The following NTAQ1 variants were observed in gnomAD, a reference collection of about 807,000 sequenced individuals.
NTAQ1 encodes the protein N-terminal glutamine amidase 1.
In NTAQ1, 21 loss-of-function variants were observed where a neutral mutation model predicts 28.2. The ratio of observed to expected loss-of-function variants is 0.74; its 90% CI spans 0.53 to 1.07. NTAQ1 has a LOEUF of 1.07. Among genes scored for constraint, NTAQ1 ranks in the 50% least tolerant of loss-of-function variants. The pLI is 0.00. For synonymous variants in NTAQ1, 105 were observed against 90.0 expected, an observed-to-expected ratio of 1.17 and a Z score of -0.94; for missense variants, 264 against 256.6, an observed-to-expected ratio of 1.03 and a Z score of -0.20.
At chr8:123,472,672 G>T (rs148448445), downstream of NTAQ1, among the ~76,000 whole-genome samples, 18 of 152,296 alleles carry the variant, frequency 1.2e-4, no homozygotes, top group East Asian at 3.1e-3. Context: ...AATCCAGCAT[G>T]ACTTTATTTT....
intron 6 of NTAQ1, among the ~76,000 whole-genome samples, chr8:123,453,739 C>T (rs1315474621): frequency 6.6e-6 from 1 of 152,102 alleles, no homozygotes; most frequent in Non-Finnish European, 1.5e-5. Context: ...GATAGCTCAT[C>T]TAAGCTCTTC....
chr8:123,458,302 C>T (rs1452590223), intron 6 of NTAQ1, among the ~76,000 whole-genome samples: 1 of 150,772 alleles, frequency 6.6e-6, no homozygotes, highest in African/African-American at 2.4e-5. Context: ...TCTCTCTGAT[C>T]AAAGTTTCAT....
At chr8:123,429,331 G>A (rs1467130415) in intron 2 of NTAQ1, among the ~76,000 whole-genome samples, 1 of 152,138 alleles carries the variant, frequency 6.6e-6, no homozygotes, top group Non-Finnish European at 1.5e-5. Context: ...GAAGGATTTC[G>A]ATTTCTTCCT....
rs74564385 is a variant in NTAQ1, at chr8:123,429,941, T to G, written c.184-42T>G. 6,424 of 1,433,588 alleles carry G rather than the reference T, an allele frequency of 4.5e-3. 409 individuals carry two copies. The East Asian group carries it at 0.13, about 29-fold the overall frequency. 88.8% of individuals were successfully genotyped at this position (1,433,588 alleles called of 1,614,324 possible). A position where few individuals can be genotyped will look rare whatever the true frequency, so the allele number is the denominator to read the frequency against. On this transcript the variant is annotated intron_variant, in intron 2 of 5. Coordinates refer to ENST00000287387, the MANE Select transcript of NTAQ1 (RefSeq NM_018024.3). ...AAAAGGAAAATAATTTAGTAGTGGT[T>G]TAACTAAAGGTATGGCTTACGAAAT... is the stretch of plus-strand genomic sequence containing the variant.
exon 7 of NTAQ1, among the ~76,000 whole-genome samples, chr8:123,468,274 AGTAGTGT>A (rs1816003792): frequency 1.3e-5 from 2 of 152,220 alleles, no homozygotes; most frequent in South Asian, 4.1e-4. Context: ...TAAAGTGTAC[AGTAGTGT>A]TAAGTATATT....
intron 6 of NTAQ1, among the ~76,000 whole-genome samples, chr8:123,458,565 C>A (rs1586968673): frequency 1.3e-5 from 2 of 151,020 alleles, no homozygotes; most frequent in Admixed American, 6.6e-5. Context: ...TGAGCTCATG[C>A]GAAGAGAGAA....
At chr8:123,461,579 T>C (rs1261922632) in intron 6 of NTAQ1, among the ~76,000 whole-genome samples, 1 of 152,300 alleles carries the variant, frequency 6.6e-6, no homozygotes, top group Non-Finnish European at 1.5e-5. Context: ...CTACCATGCT[T>C]AGTATCTGCT....
chr8:123,447,230 A>G (rs1034944776), downstream of NTAQ1, among the ~76,000 whole-genome samples: 3 of 152,170 alleles, frequency 2.0e-5, no homozygotes, highest in African/African-American at 7.2e-5. Context: ...CATATTTATA[A>G]TAAAACCTAA....
intron 5 of NTAQ1, 144 bp from the exon 6 acceptor site, chr8:123,441,162 T>G (rs2130330852): frequency 1.6e-6 from 1 of 634,556 alleles, no homozygotes; most frequent in South Asian, 2.0e-5. Flanking sequence ...AGTTATACAT[T>G]CAAGGCCAGA....
At chr8:123,457,147 A>C (rs1215725216) in intron 6 of NTAQ1, among the ~76,000 whole-genome samples, 3 of 152,160 alleles carry the variant, frequency 2.0e-5, no homozygotes, top group Non-Finnish European at 4.4e-5. Flanking sequence ...GCTCACCGCA[A>C]CCTCTGCCTC....
At chr8:123,439,486 G>A (rs950094968) in intron 5 of NTAQ1, among the ~76,000 whole-genome samples, 2 of 151,988 alleles carry the variant, frequency 1.3e-5, no homozygotes, top group African/African-American at 4.8e-5. Context: ...GGGACTACAG[G>A]CGCCCGCCAC....
downstream of NTAQ1, among the ~76,000 whole-genome samples, chr8:123,443,453 G>A (rs1301348569): frequency 6.6e-6 from 1 of 152,230 alleles, no homozygotes; most frequent in Admixed American, 6.5e-5. Flanking sequence ...CAATAAAGCT[G>A]TTTTCTTTTA....
chr8:123,439,793 A>G (rs1165963154), intron 5 of NTAQ1, among the ~76,000 whole-genome samples: 9 of 151,280 alleles, frequency 5.9e-5, no homozygotes, highest in Non-Finnish European at 7.4e-5. Context: ...CCTGGCCCAT[A>G]TTAACCAAAA....
chr8:123,420,785 T>TTTTA (rs148579449), intron 1 of NTAQ1, among the ~76,000 whole-genome samples: 3,806 of 151,542 alleles, frequency 0.025, 178 homozygotes, highest in African/African-American at 0.085. Context: ...ATTTGTTTAT[T>TTTTA]TTTATTTATT....
chr8:123,470,103 C>T (rs1421687700), downstream of NTAQ1, among the ~76,000 whole-genome samples: 1 of 152,156 alleles, frequency 6.6e-6, no homozygotes, highest in African/African-American at 2.4e-5. Context: ...TTTTCTGCCA[C>T]ATGAGGACAC....
chr8:123,448,379 A>G (rs1413721260), downstream of NTAQ1, among the ~76,000 whole-genome samples: 4 of 152,286 alleles, frequency 2.6e-5, no homozygotes, highest in African/African-American at 9.6e-5. Context: ...TTGGAAGGCC[A>G]AGGCGGGTGG....
rs1191863883 is a variant in NTAQ1 at position 123,418,463 on chromosome 8, AT to A, written c.83+1532del. On this transcript the variant is annotated intron_variant, in intron 1 of 5. Transcript: ENST00000287387. ...ACTCCATCTCAAAAAAAAAAAAAAA[AT>A]AAAAAGCCAAAAAAACAAGTAAACC... Among the ~76,000 whole-genome samples the A allele has an allele frequency of 8.8e-4, 132 of 149,940 alleles. 1 individual carries two copies. The highest frequency in any genetic ancestry group is 3.2e-3 in the African/African-American group (129 of 40,812).
At chr8:123,450,660 C>T (rs1815463678), downstream of NTAQ1, among the ~76,000 whole-genome samples, 1 of 152,202 alleles carries the variant, frequency 6.6e-6, no homozygotes, top group Non-Finnish European at 1.5e-5. Context: ...TCCCTTGGTT[C>T]ATGCAGCCCT....
chr8:123,450,046 A>G (rs891444318), downstream of NTAQ1, among the ~76,000 whole-genome samples: 3 of 144,996 alleles, frequency 2.1e-5, no homozygotes, highest in African/African-American at 7.7e-5. Context: ...GACATCTGTT[A>G]ATAGATGACA....
Sources: allele counts gnomAD v4.1 joint callset (sites outside exome capture counted in the v4.1 genomes callset), GRCh38; gene constraint gnomAD v4.1.1; transcripts MANE v1.5; gene names NCBI Gene and HGNC (gene_info 2026-07-23, HGNC 2026-07-21).